The following ZNF365 variants were observed in gnomAD, a reference collection of about 807,000 sequenced individuals.
ZNF365 encodes zinc finger protein 365, also known as protein ZNF365.
In ZNF365, 22 loss-of-function variants were observed where a neutral mutation model predicts 35.0. The observed-to-expected ratio is 0.63, with a 90% CI of 0.45 to 0.90. The LOEUF is 0.90. Ranked by LOEUF, ZNF365 falls within the 40% of genes least tolerant of loss-of-function variation. The probability of loss-of-function intolerance (pLI) is 0.00; values close to 1 mark genes in which losing one functional copy is unlikely to be tolerated. For synonymous variants in ZNF365, 188 were observed against 196.2 expected (o/e 0.96, Z 0.35); for missense variants, 448 against 500.3 (o/e 0.90, Z 1.00).
intron 3 of ZNF365, among the ~76,000 whole-genome samples, chr10:62,422,247 A>G (rs1023374013): frequency 6.6e-6 from 1 of 152,176 alleles, no homozygotes; most frequent in African/African-American, 2.4e-5. Flanking sequence ...TCTTGATGAA[A>G]CTTCTAGGGT....
chr10:62,409,957 T>C (rs1289540557), intron 3 of ZNF365, among the ~76,000 whole-genome samples: 1 of 152,144 alleles, frequency 6.6e-6, no homozygotes, highest in African/African-American at 2.4e-5. Flanking sequence ...CTCTCTGTGA[T>C]GGTGTCCACA....
intron 4 of ZNF365, among the ~76,000 whole-genome samples, chr10:62,478,698 C>G (rs561797589): frequency 1.3e-5 from 2 of 152,188 alleles, no homozygotes; most frequent in Admixed American, 1.3e-4. Context: ...CTCAGCCTCC[C>G]ATGTAGCTGG....
chr10:62,436,842 C>T (rs967171879), intron 3 of ZNF365, among the ~76,000 whole-genome samples: 12 of 152,142 alleles, frequency 7.9e-5, no homozygotes, highest in Non-Finnish European at 1.6e-4. Context: ...TATGATAGTA[C>T]TGTTTATATC....
intron 3 of ZNF365, among the ~76,000 whole-genome samples, chr10:62,436,705 A>C (rs1315342558): frequency 6.6e-6 from 1 of 152,206 alleles, no homozygotes; most frequent in African/African-American, 2.4e-5. Flanking sequence ...TGTTGAGCAG[A>C]GCCAATTAAC....
chr10:62,459,722 A>T, intron 3 of ZNF365: 2 of 1,602,026 alleles, frequency 1.2e-6, no homozygotes, highest in South Asian at 2.3e-5. Context: ...TGATGGCAGT[A>T]CCCTTCTTTT....
chr10:62,455,469 A>T (rs996175602), intron 3 of ZNF365, among the ~76,000 whole-genome samples: 1 of 152,186 alleles, frequency 6.6e-6, no homozygotes. Context: ...AAATTTGGAA[A>T]CTATAGAAAT....
At chr10:62,460,276 T>C (rs1840826533) in intron 4 of ZNF365, among the ~76,000 whole-genome samples, 1 of 152,186 alleles carries the variant, frequency 6.6e-6, no homozygotes, top group African/African-American at 2.4e-5. Flanking sequence ...TATTAATGAG[T>C]AATTCTTCAG....
chr10:62,479,753 G>T, intron 4 of ZNF365: 1 of 698,268 alleles, frequency 1.4e-6, no homozygotes, highest in Non-Finnish European at 2.6e-6. Context: ...CATAAGTGAA[G>T]AGTTGCCAGT....
chr10:62,437,741 T>G (rs1038425581), intron 3 of ZNF365, among the ~76,000 whole-genome samples: 2 of 152,252 alleles, frequency 1.3e-5, no homozygotes, highest in African/African-American at 4.8e-5. Context: ...GTAAATCTCC[T>G]GGCTTCTTTT....
At chr10:62,474,669 C>T (rs1050192597) in intron 4 of ZNF365, among the ~76,000 whole-genome samples, 6 of 152,214 alleles carry the variant, frequency 3.9e-5, no homozygotes, top group African/African-American at 1.4e-4. Context: ...CATTGTCCAC[C>T]TCAGATCTCT....
At chr10:62,447,657 G>A (rs1241634102) in intron 3 of ZNF365, among the ~76,000 whole-genome samples, 2 of 152,200 alleles carry the variant, frequency 1.3e-5, no homozygotes, top group Non-Finnish European at 2.9e-5. Context: ...TGCGGTGGCT[G>A]CCTACCTCCT....
chr10:62,473,249 G>A (rs74158922), intron 4 of ZNF365, among the ~76,000 whole-genome samples: 9,245 of 152,250 alleles, frequency 0.061, 310 homozygotes, highest in East Asian at 0.17. Context: ...TTTGTGGGTC[G>A]AGTGGGACCT....
chr10:62,422,528 A>C (rs1380871256), intron 3 of ZNF365, among the ~76,000 whole-genome samples: 1 of 152,204 alleles, frequency 6.6e-6, no homozygotes, highest in African/African-American at 2.4e-5. Context: ...ATGACCAAGC[A>C]GACCCAATGA....
chr10:62,412,152 A>G lies in ZNF365; in HGVS notation c.924+23576A>G, dbSNP rs151297799. Among the ~76,000 whole-genome samples, 409 of 152,254 alleles carry G rather than the reference A, an allele frequency of 2.7e-3. 2 individuals carry two copies. Among genetic ancestry groups the G allele is most frequent in the African/African-American group, 9.5e-3 (396 of 41,530 alleles). On this transcript the variant is annotated intron_variant, in intron 3 of 4. Coordinates refer to the ZNF365 transcript ENST00000395255. ...TCAATATATGCAAATCAATAAATGTAATTCATTACATAGGCAGAACTAAAG... is the reference window on the plus strand; with the variant it reads ...TCAATATATGCAAATCAATAAATGTGATTCATTACATAGGCAGAACTAAAG...
At chr10:62,453,851 A>T (rs1840722830) in intron 3 of ZNF365, among the ~76,000 whole-genome samples, 1 of 152,194 alleles carries the variant, frequency 6.6e-6, no homozygotes, top group South Asian at 2.1e-4. Context: ...AATATTTGGG[A>T]TATGATTTAA....
In ZNF365 at chr10:62,388,446, T is replaced by C; in HGVS notation, c.794T>C (p.Val265Ala). The change falls in exon 3 of 5, where the codon GTT becomes GCT. Residue 265 changes from valine (V) to alanine (A), a missense_variant. Physicochemically the swap from Val to Ala is moderately conservative, Grantham distance 64. This residue lies in a region of ZNF365 where 362 missense variants were observed against 375.7 expected (regional missense o/e 0.96). Transcript: ENST00000395254. ...HFLEAAAEKE[V>A]QGKARLQDFI... ...CTGGAAGCGGCAGCTGAGAAGGAGG[T>C]TCAAGGGAAAGCCCGGCTCCAGGAC... The C allele has an allele frequency of 1.2e-6, 2 of 1,613,650 alleles. No individual in the cohort carries two copies. The highest frequency in any genetic ancestry group is 1.7e-6 in the Non-Finnish European group (2 of 1,179,924).
At chr10:62,461,876 A>C (rs1840853631) in intron 4 of ZNF365, among the ~76,000 whole-genome samples, 1 of 152,248 alleles carries the variant, frequency 6.6e-6, no homozygotes, top group Admixed American at 6.5e-5. Context: ...GACAATAAGC[A>C]AACCTATCAA....
intron 3 of ZNF365, among the ~76,000 whole-genome samples, chr10:62,434,742 T>G (rs1178037113): frequency 1.3e-5 from 2 of 152,154 alleles, no homozygotes; most frequent in Admixed American, 6.5e-5. Context: ...CATTGCAGAG[T>G]GCAAGCTCTG....
At chr10:62,413,155 C>T (rs1840012688) in intron 3 of ZNF365, among the ~76,000 whole-genome samples, 2 of 152,162 alleles carry the variant, frequency 1.3e-5, no homozygotes, top group Admixed American at 1.3e-4. Flanking sequence ...TTTCTATTAG[C>T]TCTCCAACTA....
Sources: allele counts gnomAD v4.1 joint callset (sites outside exome capture counted in the v4.1 genomes callset), GRCh38; gene constraint gnomAD v4.1.1; regional missense constraint gnomAD v4.1.1; transcripts MANE v1.5; gene names NCBI Gene and HGNC (gene_info 2026-07-23, HGNC 2026-07-21).